The following PRKG1 variants were observed in gnomAD, a reference collection of about 807,000 sequenced individuals.
PRKG1 encodes the protein protein kinase cGMP-dependent 1.
In PRKG1, 35 loss-of-function variants were observed where a neutral mutation model predicts 88.1. The observed-to-expected ratio is 0.40, with a 90% CI of 0.30 to 0.53. The LOEUF (loss-of-function observed/expected upper bound fraction) is 0.53. Ranked by LOEUF, PRKG1 falls within the 20% of genes least tolerant of loss-of-function variation. The pLI is 0.59. For synonymous variants in PRKG1, 303 were observed against 292.5 expected (o/e 1.04, Z -0.37); for missense variants, 540 against 839.8 (o/e 0.64, Z 4.41).
intron 2 of PRKG1, among the ~76,000 whole-genome samples, chr10:51,178,688 T>A (rs1837266457): frequency 6.6e-6 from 1 of 152,142 alleles, no homozygotes; most frequent in African/African-American, 2.4e-5. Flanking sequence ...TTTCTCCTAT[T>A]TTTCAACATG....
At chr10:51,233,784 G>C (rs1042715805) in intron 2 of PRKG1, among the ~76,000 whole-genome samples, 1 of 152,084 alleles carries the variant, frequency 6.6e-6, no homozygotes, top group African/African-American at 2.4e-5. Context: ...AGATTTTGCT[G>C]TCTAACAAAA....
intron 1 of PRKG1, among the ~76,000 whole-genome samples, chr10:51,126,200 G>GTAA (rs1845404998): frequency 8.8e-6 from 1 of 113,248 alleles, no homozygotes; most frequent in African/African-American, 3.6e-5. Context: ...TTATTTATAT[G>GTAA]TTATTTATAA....
intron 4 of PRKG1, among the ~76,000 whole-genome samples, chr10:51,851,727 T>A (rs572753409): frequency 6.6e-6 from 1 of 152,214 alleles, no homozygotes; most frequent in Non-Finnish European, 1.5e-5. Context: ...TTGACATTTT[T>A]CTCTAATGCA....
chr10:52,271,580 A>G, intron 11 of PRKG1, 91 bp downstream of exon 11: 1 of 1,340,170 alleles, frequency 7.5e-7, no homozygotes, highest in Non-Finnish European at 1.0e-6. Context: ...CTGTTAACAC[A>G]TTTCGTATGC....
At chr10:51,261,881 A>ATTTTTTTTTTTTTTTT (rs375382268) in intron 2 of PRKG1, among the ~76,000 whole-genome samples, 1 of 120,634 alleles carries the variant, frequency 8.3e-6, no homozygotes, top group Non-Finnish European at 1.7e-5. Flanking sequence ...GGATTTTCTA[A>ATTTTTTTTTTTTTTTT]TTTTTTTTTT....
intron 1 of PRKG1, among the ~76,000 whole-genome samples, chr10:51,009,851 A>C (rs546808422): frequency 6.6e-6 from 1 of 152,330 alleles, no homozygotes; most frequent in Non-Finnish European, 1.5e-5. Flanking sequence ...ATCTGCCAGA[A>C]CATTCATGCT....
chr10:51,241,092 AT>A lies in PRKG1; in HGVS notation c.478+87764del, dbSNP rs201803931. On this transcript the variant is annotated intron_variant, in intron 2 of 17. Transcript: ENST00000373980. ...TCAACACCCTCATGAAGTAGGTCCTATTAGGATCCCTGTTTTGAAGATGAAC... is the reference window on the plus strand; with the variant it reads ...TCAACACCCTCATGAAGTAGGTCCTATAGGATCCCTGTTTTGAAGATGAAC... 6.8e-3 allele frequency among the ~76,000 whole-genome samples: 1,041 copies of A among 152,246 alleles called. 10 individuals carry two copies. Among genetic ancestry groups the A allele is most frequent in the Non-Finnish European group, 8.6e-3 (585 of 68,012 alleles).
chr10:51,721,959 C>T (rs1448739711), intron 3 of PRKG1, among the ~76,000 whole-genome samples: 5 of 152,260 alleles, frequency 3.3e-5, no homozygotes, highest in South Asian at 2.1e-4. Context: ...AGGCAGGGTG[C>T]GGTGGCTTAC....
chr10:51,789,561 A>G (rs1838813555), intron 3 of PRKG1, among the ~76,000 whole-genome samples: 1 of 152,140 alleles, frequency 6.6e-6, no homozygotes, highest in African/African-American at 2.4e-5. Context: ...GGGTTTTGAC[A>G]TCAATTGAAT....
chr10:51,625,675 G>T (rs899032017), intron 3 of PRKG1, among the ~76,000 whole-genome samples: 1 of 151,710 alleles, frequency 6.6e-6, no homozygotes, highest in South Asian at 2.1e-4. Context: ...TTTAAAATGG[G>T]TGGAGTTTAT....
chr10:51,578,146 A>G (rs10998301), intron 3 of PRKG1, among the ~76,000 whole-genome samples: 40,812 of 151,908 alleles, frequency 0.27, 7,424 homozygotes, highest in East Asian at 0.87. Flanking sequence ...TTCTCTGGAT[A>G]TTTCTAACAA....
At chr10:51,745,946 T>C (rs1837565784) in intron 3 of PRKG1, among the ~76,000 whole-genome samples, 1 of 152,222 alleles carries the variant, frequency 6.6e-6, no homozygotes, top group African/African-American at 2.4e-5. Flanking sequence ...CTGGGCTCAA[T>C]TGATCCTACT....
intron 2 of PRKG1, among the ~76,000 whole-genome samples, chr10:51,358,926 T>G (rs1842421354): frequency 3.0e-5 from 3 of 100,262 alleles, no homozygotes; most frequent in Non-Finnish European, 4.2e-5. Context: ...AAATAAAACG[T>G]TATTTATTGG....
intron 1 of PRKG1, among the ~76,000 whole-genome samples, chr10:51,108,174 CA>C (rs924537466): frequency 6.6e-6 from 1 of 151,832 alleles, no homozygotes; most frequent in African/African-American, 2.4e-5. Flanking sequence ...ACAAAACATT[CA>C]AAGAAGAAAC....
intron 5 of PRKG1, among the ~76,000 whole-genome samples, chr10:51,996,169 C>G (rs113592798): frequency 6.6e-6 from 1 of 151,520 alleles, no homozygotes; most frequent in African/African-American, 2.4e-5. Context: ...AAAAATTAGC[C>G]GGGCACGTGG....
chr10:51,404,266 C>T (rs1837841210), intron 2 of PRKG1, among the ~76,000 whole-genome samples: 1 of 152,184 alleles, frequency 6.6e-6, no homozygotes, highest in African/African-American at 2.4e-5. Context: ...TCTTCCTTAA[C>T]TTAGTATTTC....
chr10:51,929,905 G>T (rs1479115446), intron 5 of PRKG1, among the ~76,000 whole-genome samples: 1 of 152,116 alleles, frequency 6.6e-6, no homozygotes, highest in East Asian at 1.9e-4. Flanking sequence ...GAGGATGCTG[G>T]TCTAGGTATG....
chr10:51,234,914 G>A (rs1190880435), intron 2 of PRKG1, among the ~76,000 whole-genome samples: 1 of 151,986 alleles, frequency 6.6e-6, no homozygotes, highest in African/African-American at 2.4e-5. Flanking sequence ...CAATTTATAG[G>A]CTGTGAATAG....
intron 3 of PRKG1, among the ~76,000 whole-genome samples, chr10:51,564,619 G>A (rs1837553833): frequency 6.6e-6 from 1 of 151,978 alleles, no homozygotes. Flanking sequence ...ATCAATAGTA[G>A]GCTTCAAGAT....
Sources: gnomAD v4.1 joint callset for allele counts (sites outside exome capture counted in the v4.1 genomes callset) on GRCh38, gnomAD v4.1.1 for gene constraint, MANE v1.5 for transcripts, NCBI Gene and HGNC (gene_info 2026-07-23, HGNC 2026-07-21) for gene names.